DGKI: variants seen among roughly 807,000 people sequenced by gnomAD.
The protein encoded by DGKI is diacylglycerol kinase iota.
DGKI carries 55 observed loss-of-function variants against 147.5 expected under a neutral mutation model. The observed-to-expected ratio is 0.37, with a 90% confidence interval of 0.30 to 0.47. DGKI has a LOEUF of 0.47. Among genes scored for constraint, DGKI ranks in the 20% least tolerant of loss-of-function variants. DGKI has a pLI of 1.00. For synonymous variants in DGKI, 469 were observed against 477.1 expected, an observed-to-expected ratio of 0.98 and a Z score of 0.22; for missense variants, 1,007 against 1,323.8, an observed-to-expected ratio of 0.76 and a Z score of 3.71.
intron 20 of DGKI, among the ~76,000 whole-genome samples, chr7:137,529,505 G>A (rs1817267157): frequency 6.6e-6 from 1 of 152,158 alleles, no homozygotes; most frequent in Non-Finnish European, 1.5e-5. Flanking sequence ...TCAGTGTCGT[G>A]TTCATGGTAT....
Position 137,617,124 on chromosome 7 carries a change from C to CAAAA in DGKI, c.993+2696_993+2699dup, listed in dbSNP as rs60654879. Reference sequence around the variant, plus strand: ...TGTACTGCCAGTGTATCCCTTTTACCAAAAAAAAAAAAAAAAAAAAAAAAA... The same window carrying CAAAA: ...TGTACTGCCAGTGTATCCCTTTTACCAAAAAAAAAAAAAAAAAAAAAAAAAAAAA... On this transcript the variant is annotated intron_variant, in intron 8 of 32. Coordinates refer to ENST00000614521, the MANE Select transcript of DGKI (RefSeq NM_001321708.2). Among the ~76,000 whole-genome samples, 74 of 48,110 alleles carry CAAAA rather than the reference C, an allele frequency of 1.5e-3. 1 individual carries two copies. Among genetic ancestry groups the CAAAA allele is most frequent in the African/African-American group, 3.4e-3 (63 of 18,774 alleles). The allele number at this position is 48,110 out of a possible 152,430, so 31.6% of individuals were successfully genotyped here.
intron 30 of DGKI, among the ~76,000 whole-genome samples, chr7:137,401,167 G>C (rs1331527250): frequency 6.6e-6 from 1 of 152,064 alleles, no homozygotes; most frequent in Non-Finnish European, 1.5e-5. Flanking sequence ...TAACACCTGT[G>C]ATTTTTGAAA....
Position 137,436,534 on chromosome 7 carries a change from T to C in DGKI, c.2761+7543A>G, listed in dbSNP as rs185628080. 1.4e-4 allele frequency among the ~76,000 whole-genome samples: 22 copies of C among 152,258 alleles called. No individual in the cohort carries two copies. The East Asian group carries it at 3.7e-3, about 25-fold the overall frequency. Reference sequence around the variant, plus strand: ...CATCCTAGTTCTACCTTTTACTCAATAGGCATGTTTTCTCATCTGTAAAAT... The same window carrying C: ...CATCCTAGTTCTACCTTTTACTCAACAGGCATGTTTTCTCATCTGTAAAAT... On this transcript the variant is annotated intron_variant, in intron 28 of 32. Coordinates refer to ENST00000614521, the MANE Select transcript of DGKI (RefSeq NM_001321708.2).
chr7:137,451,879 T>C (rs1006104274), intron 27 of DGKI, among the ~76,000 whole-genome samples: 1 of 152,174 alleles, frequency 6.6e-6, no homozygotes. Context: ...TTTTTTTTCA[T>C]CATCTCATGG....
chr7:137,704,744 T>C (rs951774195), intron 1 of DGKI, among the ~76,000 whole-genome samples: 1 of 152,110 alleles, frequency 6.6e-6, no homozygotes, highest in African/African-American at 2.4e-5. Context: ...AAGTAAAAGA[T>C]AAAGAGAGTA....
At chr7:137,476,658 T>A (rs1315493163) in intron 23 of DGKI, among the ~76,000 whole-genome samples, 1 of 152,196 alleles carries the variant, frequency 6.6e-6, no homozygotes, top group Admixed American at 6.5e-5. Context: ...TGCAGGCTTT[T>A]TTCGTTTTGT....
At chr7:137,527,855 T>C (rs1171153802) in intron 20 of DGKI, among the ~76,000 whole-genome samples, 1 of 152,172 alleles carries the variant, frequency 6.6e-6, no homozygotes, top group Non-Finnish European at 1.5e-5. Context: ...ATAATAAAAT[T>C]TGTTTCTAAC....
At chr7:137,807,690 G>C (rs985427745) in intron 1 of DGKI, among the ~76,000 whole-genome samples, 32 of 152,172 alleles carry the variant, frequency 2.1e-4, no homozygotes, top group African/African-American at 7.5e-4. Context: ...CTCCCATCAG[G>C]CAAGCCCTGA....
intron 21 of DGKI, among the ~76,000 whole-genome samples, chr7:137,519,450 A>C (rs1289694738): frequency 6.6e-6 from 1 of 152,066 alleles, no homozygotes; most frequent in East Asian, 1.9e-4. Flanking sequence ...ACGCAGTACC[A>C]TGCTACTGCT....
intron 21 of DGKI, among the ~76,000 whole-genome samples, chr7:137,511,576 CCA>C (rs1485464617): frequency 2.6e-5 from 4 of 152,158 alleles, no homozygotes; most frequent in African/African-American, 9.7e-5. Flanking sequence ...AGCTGAATTT[CCA>C]GCACTTAGAA....
At chr7:137,585,150 T>G (rs1405471196) in intron 14 of DGKI, 59 bp downstream of exon 14, 2 of 1,592,648 alleles carry the variant, frequency 1.3e-6, no homozygotes, top group East Asian at 4.5e-5. Flanking sequence ...GGATTTTTTT[T>G]CCTGTAGCTC....
intron 24 of DGKI, among the ~76,000 whole-genome samples, chr7:137,468,989 C>T (rs969341751): frequency 2.6e-5 from 4 of 152,108 alleles, no homozygotes; most frequent in Admixed American, 6.5e-5. Flanking sequence ...TATTAGGCAG[C>T]ATCTAGGAGA....
In DGKI at chr7:137,472,369, A is replaced by C. The variant is rs1375014287; in HGVS notation, c.2374-2750T>G. 1.2e-3 allele frequency among the ~76,000 whole-genome samples: 33 copies of C among 27,848 alleles called. 4 individuals carry two copies. Among genetic ancestry groups the C allele is most frequent in the African/African-American group, 4.8e-3 (32 of 6,602 alleles). 18.3% of individuals were successfully genotyped at this position (27,848 alleles called of 152,430 possible). On this transcript the variant is annotated intron_variant, in intron 23 of 32. Coordinates refer to ENST00000614521, the MANE Select transcript of DGKI (RefSeq NM_001321708.2). ...ATTATTATATGTATATATACATATA[A>C]TTATTATATGTATATATACATATTA...
At chr7:137,632,590 G>A (rs1203463143) in intron 6 of DGKI, among the ~76,000 whole-genome samples, 2 of 152,112 alleles carry the variant, frequency 1.3e-5, no homozygotes, top group East Asian at 1.9e-4. Flanking sequence ...CGGGCATGGT[G>A]GCTCACACCT....
intron 28 of DGKI, among the ~76,000 whole-genome samples, chr7:137,435,613 G>A (rs1813250901): frequency 6.6e-6 from 1 of 152,080 alleles, no homozygotes; most frequent in Non-Finnish European, 1.5e-5. Flanking sequence ...TTACAACGGG[G>A]ATTCTATAGG....
intron 30 of DGKI, among the ~76,000 whole-genome samples, chr7:137,405,715 G>A (rs1811919472): frequency 6.6e-6 from 1 of 152,136 alleles, no homozygotes; most frequent in Admixed American, 6.5e-5. Flanking sequence ...ACATCTGGGA[G>A]CTTCCACTCT....
In DGKI at chr7:137,689,913, C is replaced by G. The variant is rs1414787624; in HGVS notation, c.491G>C (p.Arg164Thr). 3 of 1,598,106 alleles carry G rather than the reference C, an allele frequency of 1.9e-6. No homozygotes were observed. The highest frequency in any genetic ancestry group is 1.7e-6 in the Non-Finnish European group (2 of 1,173,492). ...ACCTACACTCCAGTCCAAAGTCGCT[C>G]TGGGCTCCTTGGCTGGACCATTTGC... Reference protein sequence around the residue: ...PVANGPAKEPRATLDWSENAV... With the variant: ...PVANGPAKEPTATLDWSENAV... The change falls in exon 2 of 33, where the codon AGA becomes ACA. Residue 164 changes from arginine (R) to threonine (T), a missense_variant. Physicochemically the swap from Arg to Thr is moderately conservative, Grantham distance 71. This residue lies in a region of DGKI where 259 missense variants were observed against 362.5 expected (regional missense o/e 0.71). Transcript: ENST00000614521.
intron 3 of DGKI, among the ~76,000 whole-genome samples, chr7:137,677,729 T>A (rs986064411): frequency 5.9e-5 from 9 of 152,182 alleles, no homozygotes; most frequent in African/African-American, 1.2e-4. Context: ...AATATTTTTT[T>A]AAAAAAGAAA....
intron 1 of DGKI, among the ~76,000 whole-genome samples, chr7:137,707,247 A>G (rs1388629369): frequency 6.6e-6 from 1 of 152,172 alleles, no homozygotes; most frequent in Non-Finnish European, 1.5e-5. Context: ...GGATTCCTCT[A>G]GCATTTTGGA....
Sources: allele counts gnomAD v4.1 joint callset (sites outside exome capture counted in the v4.1 genomes callset), GRCh38; gene constraint gnomAD v4.1.1; regional missense constraint gnomAD v4.1.1; transcripts MANE v1.5; gene names NCBI Gene and HGNC (gene_info 2026-07-23, HGNC 2026-07-21).